GRIK5: variants seen among roughly 807,000 people sequenced by gnomAD.
GRIK5 encodes glutamate receptor ionotropic, kainate 5.
Under a neutral mutation model 97.4 loss-of-function variants are expected in GRIK5, and 43 were observed. That is an observed-to-expected ratio of 0.44 (90% CI 0.35 to 0.57). The LOEUF is 0.57. Among genes scored for constraint, GRIK5 ranks in the 20% least tolerant of loss-of-function variants. GRIK5 has a pLI of 0.01. For missense variants in GRIK5, 1,015 were observed against 1,382.0 expected (o/e 0.73, Z 4.21); for synonymous variants, 580 against 583.5 (o/e 0.99, Z 0.09).
chr19:42,017,843 T>C (rs1568890977), intron 15 of GRIK5, among the ~76,000 whole-genome samples: 1 of 151,910 alleles, frequency 6.6e-6, no homozygotes, highest in Non-Finnish European at 1.5e-5. Context: ...AAGGAGGACC[T>C]AGGGAAAAGT....
intron 11 of GRIK5, among the ~76,000 whole-genome samples, chr19:42,043,564 G>A (rs1178325550): frequency 6.6e-6 from 1 of 151,776 alleles, no homozygotes; most frequent in Non-Finnish European, 1.5e-5. Context: ...CTGCCACCAC[G>A]CCCGCCCAAT....
At position 42,036,363 on chromosome 19, in the gene GRIK5, A is replaced by G. The variant is rs141895132; in HGVS notation, c.1473+6189T>C. Among the ~76,000 whole-genome samples, 618 of 133,740 alleles carry G rather than the reference A, an allele frequency of 4.6e-3. 7 individuals carry two copies. Among genetic ancestry groups the G allele is most frequent in the African/African-American group, 0.017 (583 of 34,928 alleles). The allele number at this position is 133,740 out of a possible 152,430, so 87.7% of individuals were successfully genotyped here. ...AGATGTGAGCCACTGTGCCCAGCCT[A>G]TTTTTTTAAAACAGGGTCTCACTCT... On this transcript the variant is annotated intron_variant, in intron 12 of 19. Coordinates refer to ENST00000593562, the MANE Select transcript of GRIK5 (RefSeq NM_002088.5).
Position 42,062,877 on chromosome 19 carries a change from C to A in GRIK5, c.245-22G>T, listed in dbSNP as rs1200827605. ...CACACTGCGTGGGAAGGGGAAGAGA[C>A]CGCAGAGTCAGGGACCCCCTGCCTC... On this transcript the variant is annotated intron_variant, in intron 3 of 19. Transcript: ENST00000593562. This position sits in a 1 kb window ranked among gnomAD's most constrained non-coding sequence, Gnocchi z 5.3. 2 of 1,577,248 alleles carry A rather than the reference C, an allele frequency of 1.3e-6. No individual in the cohort carries two copies. The highest frequency in any genetic ancestry group is 8.7e-7 in the Non-Finnish European group (1 of 1,146,586).
chr19:42,004,310 C>T (rs1464168457), intron 17 of GRIK5, among the ~76,000 whole-genome samples: 1 of 152,130 alleles, frequency 6.6e-6, no homozygotes, highest in Non-Finnish European at 1.5e-5. Context: ...CACACCTCTC[C>T]CTGGACCACC....
chr19:42,026,032 C>G (rs1333370441), intron 12 of GRIK5, among the ~76,000 whole-genome samples: 1 of 152,168 alleles, frequency 6.6e-6, no homozygotes, highest in African/African-American at 2.4e-5. Context: ...GCTTTGTTAA[C>G]TAGGCTGGAA....
Position 42,062,784 on chromosome 19 carries a change from C to T in GRIK5, c.316G>A (p.Val106Met), listed in dbSNP as rs145589136. 105 of 1,613,758 alleles carry T rather than the reference C, an allele frequency of 6.5e-5. No homozygotes were observed. Among genetic ancestry groups the T allele is most frequent in the Middle Eastern group, 1.6e-4 (1 of 6,084 alleles). Residue 106 changes from valine to methionine, a missense_variant, in exon 4 of 20, where the codon GTG (valine) becomes ATG (methionine). Val to Met is a conservative substitution (Grantham distance 21). This residue lies in a region of GRIK5 where 198 missense variants were observed against 218.2 expected (regional missense o/e 0.91). Transcript: ENST00000593562. The surrounding 1 kb of genome is among the most constrained non-coding windows in gnomAD (Gnocchi z 5.3). ...PSSSPASAST[V>M]SHICGEKEIP... ...TCCTTCTCTCCACAGATATGGCTCA[C>T]GGTGGAGGCAGATGCTGGGCTAGAG...
intron 1 of GRIK5, among the ~76,000 whole-genome samples, chr19:42,067,463 TGTC>T (rs1462317495): frequency 6.6e-6 from 1 of 152,044 alleles, no homozygotes; most frequent in East Asian, 1.9e-4. Flanking sequence ...GGTGAAGGCT[TGTC>T]AAGGATGGAG....
chr19:42,016,369 C>T (rs1433293271), intron 15 of GRIK5, among the ~76,000 whole-genome samples: 1 of 152,086 alleles, frequency 6.6e-6, no homozygotes, highest in Admixed American at 6.6e-5. Context: ...TGCAGTGAGC[C>T]GAGATCGTGC....
chr19:42,031,274 C>A (rs751271242), intron 12 of GRIK5, among the ~76,000 whole-genome samples: 27 of 152,306 alleles, frequency 1.8e-4, no homozygotes, highest in Admixed American at 6.5e-5. Flanking sequence ...TCTTCCAAGC[C>A]GTTAATGGTG....
intron 15 of GRIK5, among the ~76,000 whole-genome samples, chr19:42,007,746 T>TCC (rs1251184465): frequency 6.6e-6 from 1 of 152,130 alleles, no homozygotes; most frequent in Non-Finnish European, 1.5e-5. Context: ...AAAACAATTC[T>TCC]TAGAGTTGAC....
Position 41,999,177 on chromosome 19 carries a change from C to A in GRIK5, c.2637G>T (p.Ala879=), listed in dbSNP as rs2075404606. The change falls in exon 20 of 20, where the codon GCG becomes GCT. Residue 879 remains alanine, a synonymous_variant. Transcript: ENST00000593562. This position sits in a 1 kb window ranked among gnomAD's most constrained non-coding sequence, Gnocchi z 5.0. ...CGTTGCTGAGGCGCATCTCGCGGAC[C>A]GCGCGCAGTGACAGCAGGGCCCGGC... is the stretch of plus-strand genomic sequence containing the variant. ...GPSRALLSLR[A]VREMRLSNGK... 3 of 1,509,286 alleles carry A rather than the reference C, an allele frequency of 2.0e-6. No homozygotes were observed. The highest frequency in any genetic ancestry group is 1.8e-6 in the Non-Finnish European group (2 of 1,136,924). The allele number at this position is 1,509,286 out of a possible 1,614,324, so 93.5% of individuals were successfully genotyped here.
intron 19 of GRIK5, among the ~76,000 whole-genome samples, chr19:42,001,043 C>CTT (rs1555870784): frequency 1.3e-5 from 2 of 152,096 alleles, no homozygotes; most frequent in African/African-American, 4.8e-5. Flanking sequence ...TCTATACCCC[C>CTT]AACCTCCCCC....
chr19:41,999,222 G>A lies in GRIK5; in HGVS notation c.2592C>T (p.Arg864=). ...SCRKTSRSRR[R]RRPGGPSRAL... is the part of the protein sequence containing the mutation. The stretch of plus-strand genomic sequence containing the variant: ...CCCGGCTCGGGCCGCCCGGGCGTCG[G>A]CGCCGGCGGGAACGCGACGTCTTGC... Residue 864 remains arginine, a synonymous_variant, in exon 20 of 20, where the codon CGC becomes CGT. Coordinates refer to ENST00000593562, the MANE Select transcript of GRIK5 (RefSeq NM_002088.5). This position sits in a 1 kb window ranked among gnomAD's most constrained non-coding sequence, Gnocchi z 5.0. The A allele has an allele frequency of 2.0e-6, 3 of 1,521,076 alleles. No homozygotes were observed. The highest frequency in any genetic ancestry group is 2.6e-6 in the Non-Finnish European group (3 of 1,141,122). 94.2% of individuals were successfully genotyped at this position (1,521,076 alleles called of 1,614,324 possible).
chr19:42,038,031 G>A (rs565125579), intron 12 of GRIK5, among the ~76,000 whole-genome samples: 1 of 152,340 alleles, frequency 6.6e-6, no homozygotes, highest in Admixed American at 6.5e-5. Context: ...CTGGGACCCT[G>A]ACCTAAGATC....
intron 5 of GRIK5, among the ~76,000 whole-genome samples, chr19:42,061,022 G>A (rs2076251559): frequency 6.6e-6 from 1 of 152,178 alleles, no homozygotes; most frequent in African/African-American, 2.4e-5. Flanking sequence ...GCACAGAGCA[G>A]GTGCTTAATA....
intron 12 of GRIK5, among the ~76,000 whole-genome samples, chr19:42,040,170 G>A (rs746796771): frequency 1.2e-4 from 18 of 152,156 alleles, no homozygotes; most frequent in Non-Finnish European, 2.1e-4. Context: ...CACAACCAGT[G>A]CACAGCAGAG....
chr19:42,004,517 C>T (rs2075462599), intron 17 of GRIK5, among the ~76,000 whole-genome samples: 1 of 152,224 alleles, frequency 6.6e-6, no homozygotes, highest in African/African-American at 2.4e-5. Context: ...TTATTCAGGT[C>T]TTATGATGAT....
chr19:42,029,811 A>T (rs965946667), intron 12 of GRIK5, among the ~76,000 whole-genome samples: 1 of 152,178 alleles, frequency 6.6e-6, no homozygotes. Flanking sequence ...GGCTGTAGGG[A>T]AAGTAAATGG....
At chr19:42,056,564 A>C in intron 8 of GRIK5, 98 bp downstream of exon 8, 1 of 1,044,514 alleles carries the variant, frequency 9.6e-7, no homozygotes, top group Admixed American at 2.0e-5. Flanking sequence ...AGGGAGGGCG[A>C]GAGGGTTCTG....
Sources: gnomAD v4.1 joint callset for allele counts (sites outside exome capture counted in the v4.1 genomes callset) on GRCh38, gnomAD v4.1.1 for gene constraint, gnomAD v4.1.1 regional missense constraint, Gnocchi (gnomAD v3.1) non-coding constraint, MANE v1.5 for transcripts, NCBI Gene and HGNC (gene_info 2026-07-23, HGNC 2026-07-21) for gene names.